ARHGEF3: variants seen among roughly 807,000 people sequenced by gnomAD.
ARHGEF3 encodes 59.8 kDA protein.
A neutral mutation model predicts 63.2 loss-of-function variants in ARHGEF3; 28 were observed. The ratio of observed to expected loss-of-function variants is 0.44; its 90% confidence interval spans 0.33 to 0.61. The LOEUF (loss-of-function observed/expected upper bound fraction) is 0.61. Ranked by LOEUF, ARHGEF3 falls within the 20% of genes least tolerant of loss-of-function variation. ARHGEF3 has a pLI of 0.03. For missense variants in ARHGEF3, 533 were observed against 659.3 expected (o/e 0.81, Z 2.10); for synonymous variants, 266 against 254.2 (o/e 1.05, Z -0.44).
At chr3:56,787,622 T>C (rs1014234724) in intron 1 of ARHGEF3, among the ~76,000 whole-genome samples, 1 of 152,020 alleles carries the variant, frequency 6.6e-6, no homozygotes, top group African/African-American at 2.4e-5. Flanking sequence ...ACCCAGTAAT[T>C]AACTGGCAGT....
At chr3:56,914,403 G>A (rs1044748332) in intron 3 of ARHGEF3, among the ~76,000 whole-genome samples, 4 of 152,168 alleles carry the variant, frequency 2.6e-5, no homozygotes, top group Admixed American at 2.6e-4. Flanking sequence ...GCAAAATGTG[G>A]TATGTCACCG....
chr3:57,055,640 A>G (rs1051124595), intron 1 of ARHGEF3, among the ~76,000 whole-genome samples: 4 of 152,176 alleles, frequency 2.6e-5, no homozygotes, highest in African/African-American at 7.2e-5. Context: ...ATATACTTTT[A>G]GGGTAAAGTC....
chr3:56,729,169 C>T lies in ARHGEF3; in HGVS notation c.*101G>A. ...GACTGGGCCAACATGTATACTTTCA[C>T]AAAAGTATGAAAAAGTGCTTCTCCA... On this transcript the variant is annotated 3_prime_UTR_variant, in exon 10 of 10. Transcript: ENST00000296315. 1 of 1,061,428 alleles carries T rather than the reference C, an allele frequency of 9.4e-7. No individual in the cohort carries two copies. Among genetic ancestry groups the T allele is most frequent in the African/African-American group, 1.6e-5 (1 of 61,412 alleles). The allele number at this position is 1,061,428 out of a possible 1,614,324, so 65.8% of individuals were successfully genotyped here.
chr3:56,764,694 T>C (rs2107805570), intron 2 of ARHGEF3, among the ~76,000 whole-genome samples: 1 of 152,126 alleles, frequency 6.6e-6, no homozygotes, highest in Middle Eastern at 3.4e-3. Context: ...TCATAGATAC[T>C]ACACTAATGA....
At chr3:57,014,186 A>G (rs1352393586) in intron 2 of ARHGEF3, among the ~76,000 whole-genome samples, 1 of 152,126 alleles carries the variant, frequency 6.6e-6, no homozygotes, top group African/African-American at 2.4e-5. Context: ...AAGACCACGA[A>G]CCCACCAGAA....
At chr3:56,851,546 C>A (rs2039674983) in intron 4 of ARHGEF3, among the ~76,000 whole-genome samples, 1 of 152,048 alleles carries the variant, frequency 6.6e-6, no homozygotes, top group Non-Finnish European at 1.5e-5. Context: ...CACCACCATG[C>A]CCAGCTAATT....
At chr3:56,882,841 C>A (rs1399690757) in intron 3 of ARHGEF3, among the ~76,000 whole-genome samples, 7 of 152,064 alleles carry the variant, frequency 4.6e-5, no homozygotes, top group Non-Finnish European at 8.8e-5. Flanking sequence ...TCTAAGAAAG[C>A]CTAAGAAGTT....
chr3:56,775,369 A>G (rs1437899070), intron 1 of ARHGEF3: 4 of 1,066,172 alleles, frequency 3.8e-6, no homozygotes, highest in East Asian at 6.5e-5. Context: ...GCATTTGCAT[A>G]TAAAAATTTA....
chr3:56,788,173 C>T (rs1396809050), intron 1 of ARHGEF3, among the ~76,000 whole-genome samples: 4 of 152,196 alleles, frequency 2.6e-5, no homozygotes, highest in Non-Finnish European at 5.9e-5. Flanking sequence ...CCAGAAGATG[C>T]TGCCCTCTGC....
intron 1 of ARHGEF3, among the ~76,000 whole-genome samples, chr3:56,792,149 AACTG>A (rs1165372173): frequency 1.2e-5 from 1 of 84,188 alleles, no homozygotes; most frequent in Non-Finnish European, 2.2e-5. Flanking sequence ...AAAAGAAAAT[AACTG>A]ACTACTATCT....
chr3:56,802,046 AGGG>A, upstream of ARHGEF3: 1 of 1,356,964 alleles, frequency 7.4e-7, no homozygotes, highest in Non-Finnish European at 9.5e-7. Flanking sequence ...CGCTGCCGGG[AGGG>A]CCCACGTGCC....
At chr3:56,769,737 G>T (rs745593950) in intron 2 of ARHGEF3, among the ~76,000 whole-genome samples, 2 of 152,188 alleles carry the variant, frequency 1.3e-5, no homozygotes, top group African/African-American at 2.4e-5. Context: ...ACTGATTAGA[G>T]CACCTTATTT....
intron 3 of ARHGEF3, among the ~76,000 whole-genome samples, chr3:56,949,351 C>T (rs1394634469): frequency 1.3e-5 from 2 of 151,902 alleles, no homozygotes; most frequent in Admixed American, 6.6e-5. Context: ...TCCCTGTTTG[C>T]AGATGACATG....
intron 3 of ARHGEF3, among the ~76,000 whole-genome samples, chr3:56,905,350 C>T (rs764962414): frequency 4.0e-4 from 61 of 152,212 alleles, no homozygotes; most frequent in Non-Finnish European, 4.4e-4. Flanking sequence ...AATGCTAACA[C>T]ACTATAGGTA....
chr3:56,757,783 C>T (rs1407268474), intron 2 of ARHGEF3, among the ~76,000 whole-genome samples: 6 of 151,040 alleles, frequency 4.0e-5, no homozygotes, highest in Non-Finnish European at 7.4e-5. Flanking sequence ...TGTGCAGTGG[C>T]GCAGTCTCAG....
chr3:57,069,390 C>CACAT (rs1553821339), intron 1 of ARHGEF3, among the ~76,000 whole-genome samples: 1 of 151,736 alleles, frequency 6.6e-6, no homozygotes, highest in Non-Finnish European at 1.5e-5. Flanking sequence ...CACACACACA[C>CACAT]ACACACACAC....
chr3:56,873,222 TG>T (rs1420746810), intron 4 of ARHGEF3, among the ~76,000 whole-genome samples: 16 of 45,068 alleles, frequency 3.6e-4, no homozygotes, highest in African/African-American at 7.7e-4. Flanking sequence ...GTGCTATGTT[TG>T]TTTTTTTTTT....
At chr3:56,921,086 C>T (rs1305577589) in intron 3 of ARHGEF3, among the ~76,000 whole-genome samples, 2 of 144,610 alleles carry the variant, frequency 1.4e-5, no homozygotes, top group African/African-American at 2.5e-5. Context: ...AACTCATGGG[C>T]CAGTGCAGTG....
intron 1 of ARHGEF3, among the ~76,000 whole-genome samples, chr3:57,037,927 G>A (rs973913646): frequency 1.3e-5 from 2 of 151,856 alleles, no homozygotes; most frequent in Non-Finnish European, 2.9e-5. Context: ...TCAGCCTGTG[G>A]CTAGGGGCAG....
Sources: allele counts gnomAD v4.1 joint callset (sites outside exome capture counted in the v4.1 genomes callset), GRCh38; gene constraint gnomAD v4.1.1; transcripts MANE v1.5; gene names NCBI Gene and HGNC (gene_info 2026-07-23, HGNC 2026-07-21).